SUGCT: variants seen among roughly 807,000 people sequenced by gnomAD.
SUGCT encodes the protein succinyl-CoA:glutarate CoA-transferase.
SUGCT carries 41 observed loss-of-function variants against 55.0 expected under a neutral mutation model. The observed-to-expected ratio is 0.74, with a 90% confidence interval of 0.58 to 0.97. SUGCT has a LOEUF of 0.97. SUGCT is among the 50% of genes least tolerant of loss of function. The pLI, the probability that SUGCT is intolerant of heterozygous loss-of-function variation, is 0.00. For synonymous variants in SUGCT, 187 were observed against 200.4 expected, an observed-to-expected ratio of 0.93 and a Z score of 0.56; for missense variants, 568 against 547.8, an observed-to-expected ratio of 1.04 and a Z score of -0.37.
chr7:40,142,709 T>A (rs192948248), intron 1 of SUGCT, among the ~76,000 whole-genome samples: 526 of 152,336 alleles, frequency 3.5e-3, no homozygotes, highest in Non-Finnish European at 5.3e-3. Context: ...ATGCCTTTGT[T>A]ATACTTCCAT....
chr7:40,907,122 TGTGTGTGTGTGTGTGTGTGAGA>T, the SUGCT span, among the ~76,000 whole-genome samples: 3,050 of 84,838 alleles, frequency 0.036, 127 homozygotes, highest in African/African-American at 0.1. Flanking sequence ...TGTGTGTGTG[TGTGTGTGTGTGTGTGTGTGAGA>T]GAGAGAGAGA....
intron 12 of SUGCT, among the ~76,000 whole-genome samples, chr7:40,526,754 G>A (rs1452531347): frequency 6.6e-6 from 1 of 152,198 alleles, no homozygotes; most frequent in African/African-American, 2.4e-5. Context: ...AAACCAGTCA[G>A]CAGGTGACAA....
At chr7:40,576,412 A>G (rs1297805151) in intron 12 of SUGCT, among the ~76,000 whole-genome samples, 2 of 152,184 alleles carry the variant, frequency 1.3e-5, no homozygotes, top group Non-Finnish European at 2.9e-5. Context: ...TTTCTTCCAT[A>G]TGGTTTGCTT....
At chr7:40,940,367 T>C in the SUGCT span, among the ~76,000 whole-genome samples, 1 of 152,098 alleles carries the variant, frequency 6.6e-6, no homozygotes, top group African/African-American at 2.4e-5. Context: ...TTTGGGCTCT[T>C]TTTTTGGTTC....
intron 13 of SUGCT, among the ~76,000 whole-genome samples, chr7:40,811,394 G>T (rs76106563): frequency 6.6e-6 from 1 of 151,978 alleles, no homozygotes; most frequent in Non-Finnish European, 1.5e-5. Flanking sequence ...CTTAGAATCC[G>T]TGAGTATGGA....
chr7:40,269,608 C>T (rs1185265167), intron 7 of SUGCT, among the ~76,000 whole-genome samples: 3 of 152,144 alleles, frequency 2.0e-5, no homozygotes, highest in African/African-American at 7.2e-5. Flanking sequence ...CAGGTATGAG[C>T]CACTGCTCCT....
chr7:40,915,375 T>G, the SUGCT span, among the ~76,000 whole-genome samples: 1 of 152,192 alleles, frequency 6.6e-6, no homozygotes, highest in East Asian at 1.9e-4. Flanking sequence ...GTTCAGTATA[T>G]GAAACTAGGT....
At chr7:40,282,179 A>T (rs559198251) in intron 8 of SUGCT, among the ~76,000 whole-genome samples, 1 of 150,636 alleles carries the variant, frequency 6.6e-6, no homozygotes, top group Non-Finnish European at 1.5e-5. Context: ...TCAAAGATCA[A>T]TTGACTGGCC....
intron 9 of SUGCT, among the ~76,000 whole-genome samples, chr7:40,353,055 G>T (rs565688012): frequency 6.6e-6 from 1 of 151,922 alleles, no homozygotes; most frequent in Non-Finnish European, 1.5e-5. Flanking sequence ...TCATATGCTT[G>T]TTGGCCACAC....
chr7:40,546,165 A>G (rs1794978797), intron 12 of SUGCT, among the ~76,000 whole-genome samples: 1 of 152,180 alleles, frequency 6.6e-6, no homozygotes, highest in Non-Finnish European at 1.5e-5. Context: ...TAGCAGACCA[A>G]TGGGAAAAGA....
intron 8 of SUGCT, among the ~76,000 whole-genome samples, chr7:40,297,569 A>T (rs1167257802): frequency 6.6e-5 from 10 of 151,882 alleles, no homozygotes. Context: ...GTGCACATTG[A>T]CCTCTTTCGC....
At chr7:41,005,610 C>G in the SUGCT span, among the ~76,000 whole-genome samples, 2 of 152,190 alleles carry the variant, frequency 1.3e-5, no homozygotes, top group Non-Finnish European at 2.9e-5. Flanking sequence ...CCTCTTTTTA[C>G]TCTGTGCTGT....
intron 8 of SUGCT, among the ~76,000 whole-genome samples, chr7:40,300,275 G>A (rs1352166529): frequency 6.6e-6 from 1 of 152,192 alleles, no homozygotes; most frequent in Non-Finnish European, 1.5e-5. Flanking sequence ...GGACTTTGCT[G>A]TACAAGGGAG....
intron 7 of SUGCT, among the ~76,000 whole-genome samples, chr7:40,238,003 A>G (rs1230916346): frequency 1.3e-5 from 2 of 152,210 alleles, no homozygotes; most frequent in African/African-American, 4.8e-5. Flanking sequence ...CATAGATCAG[A>G]TGGTGAACAC....
chr7:40,344,644 T>C (rs750950634), intron 9 of SUGCT, among the ~76,000 whole-genome samples: 3 of 152,180 alleles, frequency 2.0e-5, no homozygotes, highest in Non-Finnish European at 4.4e-5. Flanking sequence ...GCTGAACATA[T>C]TTATCATGAA....
At chr7:40,481,959 G>C (rs1791077513) in intron 11 of SUGCT, among the ~76,000 whole-genome samples, 1 of 152,056 alleles carries the variant, frequency 6.6e-6, no homozygotes, top group African/African-American at 2.4e-5. Flanking sequence ...TGGAGATGAG[G>C]ACTTTTGTCT....
At chr7:40,515,781 A>G (rs973133447) in intron 12 of SUGCT, among the ~76,000 whole-genome samples, 1 of 152,220 alleles carries the variant, frequency 6.6e-6, no homozygotes, top group Non-Finnish European at 1.5e-5. Context: ...ATGTAAATTC[A>G]TGTAGTCTTT....
chr7:40,188,562 T>A lies in SUGCT; in HGVS notation c.294T>A (p.Ser98Arg), dbSNP rs1785692796. The stretch of plus-strand genomic sequence containing the variant: ...GGACAGAAAGTACATATTATCTCAG[T>A]GTTAACCGAAATAAAAAAGTAAGAA... ...FVGTESTYYL[S>R]VNRNKKSIAV... Residue 98 changes from serine (S) to arginine (R), a missense_variant, in exon 4 of 14, where the codon AGT becomes AGA. By Grantham distance (110) the Ser-to-Arg change is moderately radical. Transcript: ENST00000335693. 3 of 1,603,972 alleles carry A rather than the reference T, an allele frequency of 1.9e-6. No homozygotes were observed. In the South Asian group the frequency reaches 3.4e-5, roughly 18 times the overall value.
chr7:40,953,757 C>A, the SUGCT span, among the ~76,000 whole-genome samples: 1 of 152,236 alleles, frequency 6.6e-6, no homozygotes, highest in African/African-American at 2.4e-5. Flanking sequence ...GCGGAGGCTG[C>A]AGAACAGCAA....
Sources: gnomAD v4.1 joint callset for allele counts (sites outside exome capture counted in the v4.1 genomes callset) on GRCh38, gnomAD v4.1.1 for gene constraint, MANE v1.5 for transcripts, NCBI Gene and HGNC (gene_info 2026-07-23, HGNC 2026-07-21) for gene names.